Variants in HEPH observed in about 807,000 individuals in gnomAD.
The protein encoded by HEPH is hephaestin.
In HEPH, 69 loss-of-function variants were observed where a neutral mutation model predicts 80.8. The ratio of observed to expected loss-of-function variants is 0.85; its 90% confidence interval spans 0.70 to 1.04. The LOEUF (loss-of-function observed/expected upper bound fraction) is 1.04, where lower values mean the gene tolerates loss of function less well. Among genes scored for constraint, HEPH ranks in the 50% least tolerant of loss-of-function variants. The probability of loss-of-function intolerance (pLI) is 0.00; values close to 1 mark genes in which losing one functional copy is unlikely to be tolerated. For missense variants in HEPH, 1,115 were observed against 891.3 expected, an observed-to-expected ratio of 1.25 and a Z score of -3.20; for synonymous variants, 431 against 322.8, an observed-to-expected ratio of 1.34 and a Z score of -3.60.
rs759215942 is a variant in HEPH, at chrX:66,266,561, T to C, written c.3366T>C (p.Val1122=). The C allele has an allele frequency of 1.7e-6, 2 of 1,208,174 alleles. No homozygotes were observed. Among genetic ancestry groups the C allele is most frequent in the Admixed American group, 4.4e-5 (2 of 45,593 alleles). Residue 1122 remains valine (V), a synonymous_variant, in exon 21 of 21, where the codon GTT becomes GTC. Transcript: ENST00000343002. ...CCATTAGTGTCACCCTTCTGCTCGT[T>C]GTTCTGGCTCTTGGTGGAGTGGTTT... ...LVAISVTLLL[V]VLALGGVVWY...
chrX:66,238,649 C>A (rs1438376046), intron 15 of HEPH, among the ~76,000 whole-genome samples: 1 of 111,640 alleles, frequency 9.0e-6, no homozygotes, highest in Admixed American at 9.5e-5. Flanking sequence ...TGTAGGTGAC[C>A]TGCCCTTTCT....
In HEPH at chrX:66,200,523, G is replaced by A. The variant is rs1453078526; in HGVS notation, c.1865-17G>A. 10 of 1,167,693 alleles carry A rather than the reference G, an allele frequency of 8.6e-6. No homozygotes were observed. The highest frequency in any genetic ancestry group is 1.9e-5 in the South Asian group (1 of 52,810). ...TGGTCTCATCTCCCCACCTTGTCTTGTGTTTTTGTTTTCCAGCCATTAATG... is the reference window on the plus strand; with the variant it reads ...TGGTCTCATCTCCCCACCTTGTCTTATGTTTTTGTTTTCCAGCCATTAATG... On this transcript the variant is annotated splice_polypyrimidine_tract_variant and intron_variant, in intron 11 of 20. Transcript: ENST00000343002.
intron 13 of HEPH, 75 bp from the exon 14 acceptor site, chrX:66,207,120 G>A (rs1330568870): frequency 1.0e-6 from 1 of 956,088 alleles, no homozygotes; most frequent in African/African-American, 2.1e-5. Context: ...TTCTGACTTA[G>A]CTTCCCCATA....
chrX:66,173,127 G>C (rs2086660022), intron 3 of HEPH, among the ~76,000 whole-genome samples: 1 of 112,292 alleles, frequency 8.9e-6, no homozygotes, highest in Admixed American at 9.4e-5. Flanking sequence ...ATCCCTGTAT[G>C]ATCCTGGACA....
At chrX:66,247,410 A>G (rs1485006938) in intron 15 of HEPH, among the ~76,000 whole-genome samples, 11 of 106,679 alleles carry the variant, frequency 1.0e-4, no homozygotes, top group Non-Finnish European at 1.7e-4. Flanking sequence ...CCTATCATCA[A>G]GTTATCTGAT....
chrX:66,198,386 G>A (rs760564996), intron 10 of HEPH, among the ~76,000 whole-genome samples: 4 of 111,944 alleles, frequency 3.6e-5, no homozygotes, highest in Non-Finnish European at 7.5e-5. Flanking sequence ...AAGACACCTT[G>A]GATTTCTGTG....
upstream of HEPH, among the ~76,000 whole-genome samples, chrX:66,163,153 T>C (rs776788395): frequency 1.8e-5 from 2 of 111,303 alleles, no homozygotes; most frequent in East Asian, 2.8e-4. Context: ...ATTGTAGAAA[T>C]AGAAAGAGGC....
intron 15 of HEPH, among the ~76,000 whole-genome samples, chrX:66,253,891 T>A (rs1414334741): frequency 9.0e-6 from 1 of 110,882 alleles, no homozygotes; most frequent in Non-Finnish European, 1.9e-5. Flanking sequence ...AATGGACAAG[T>A]CTATAGAGAC....
rs757710955 is a variant in HEPH at position 66,195,152 on chromosome X, G to A, written c.1424G>A (p.Arg475His). Residue 475 changes from arginine (R) to histidine (H), a missense_variant, in exon 9 of 21, where the codon CGT becomes CAT. Transcript: ENST00000343002. ...ACCATTCAGGTGGTCTTCTACAACC[G>A]TGCCTCCCAGCCATTCAGCATGCAG... ...GDTIQVVFYNRASQPFSMQPH... is the reference protein window; with the variant it reads ...GDTIQVVFYNHASQPFSMQPH... The A allele has an allele frequency of 5.8e-6, 7 of 1,203,355 alleles. No homozygotes were observed. The highest frequency in any genetic ancestry group is 1.7e-5 in the African/African-American group (1 of 57,243).
At chrX:66,164,976 G>T (rs1414275325) in intron 1 of HEPH, among the ~76,000 whole-genome samples, 1 of 111,949 alleles carries the variant, frequency 8.9e-6, no homozygotes. Flanking sequence ...TTCAAATTCT[G>T]GCTATTTTTA....
At chrX:66,253,716 G>A (rs2091079377) in intron 15 of HEPH, among the ~76,000 whole-genome samples, 1 of 112,100 alleles carries the variant, frequency 8.9e-6, no homozygotes, top group African/African-American at 3.2e-5. Context: ...AAGAATGAAT[G>A]AATAAAATAT....
rs143231548 is a variant in HEPH at position 66,189,432 on chromosome X, G to A, written c.809-252G>A. On this transcript the variant is annotated intron_variant, in intron 5 of 20. Transcript: ENST00000343002. ...GCTGTAAGCATTTATTAGCTCTATG[G>A]CATTGGGAAAGAAGTAACTTCACCT... 4.5e-3 allele frequency among the ~76,000 whole-genome samples: 498 copies of A among 111,881 alleles called. 16 individuals are homozygous for A. In the East Asian group the frequency reaches 0.11, roughly 24 times the overall value.
intron 11 of HEPH, among the ~76,000 whole-genome samples, chrX:66,200,241 GGTGTGTGTGT>G (rs57136656): frequency 1.1e-5 from 1 of 91,245 alleles, no homozygotes; most frequent in East Asian, 3.2e-4. Context: ...AGGAGAGATT[GGTGTGTGTGT>G]GTGTGTGTGT....
At chrX:66,216,610 C>T (rs972303086) in intron 15 of HEPH, among the ~76,000 whole-genome samples, 2 of 111,483 alleles carry the variant, frequency 1.8e-5, no homozygotes, top group Non-Finnish European at 3.8e-5. Context: ...CATAGTCTAC[C>T]CAAATAAGAA....
chrX:66,229,881 C>A (rs765129690), intron 15 of HEPH, among the ~76,000 whole-genome samples: 35 of 106,951 alleles, frequency 3.3e-4, no homozygotes, highest in African/African-American at 1.2e-3. Context: ...CCCACTAACC[C>A]GTCATCTTGC....
chrX:66,262,260 C>T (rs1431071610), intron 19 of HEPH, among the ~76,000 whole-genome samples: 2 of 111,918 alleles, frequency 1.8e-5, no homozygotes, highest in African/African-American at 6.5e-5. Flanking sequence ...TCAGAGCTAA[C>T]ATGAAAGATT....
intron 15 of HEPH, among the ~76,000 whole-genome samples, chrX:66,231,726 G>C (rs1331941730): frequency 9.2e-6 from 1 of 108,505 alleles, no homozygotes; most frequent in East Asian, 2.9e-4. Flanking sequence ...TCTGCAAACA[G>C]GGACAATTTG....
chrX:66,168,922 T>C (rs2086478408), intron 1 of HEPH, among the ~76,000 whole-genome samples: 1 of 112,032 alleles, frequency 8.9e-6, no homozygotes, highest in Non-Finnish European at 1.9e-5. Flanking sequence ...TAACTGCATG[T>C]AATTGCTTGT....
chrX:66,196,406 T>C (rs1373420934), intron 9 of HEPH, among the ~76,000 whole-genome samples: 1 of 111,828 alleles, frequency 8.9e-6, no homozygotes, highest in African/African-American at 3.2e-5. Flanking sequence ...ATTTGAAAAT[T>C]TGAAAAGTAA....
Sources: gnomAD v4.1 joint callset for allele counts (sites outside exome capture counted in the v4.1 genomes callset) on GRCh38, gnomAD v4.1.1 for gene constraint, MANE v1.5 for transcripts, NCBI Gene and HGNC (gene_info 2026-07-23, HGNC 2026-07-21) for gene names.